ADCY2: variants seen among roughly 807,000 people sequenced by gnomAD.
The protein encoded by ADCY2 is adenylate cyclase 2.
A neutral mutation model predicts 125.2 loss-of-function variants in ADCY2; 31 were observed. The ratio of observed to expected loss-of-function variants is 0.25; its 90% CI spans 0.19 to 0.33. The LOEUF (loss-of-function observed/expected upper bound fraction) is 0.33. Ranked by LOEUF, ADCY2 falls within the 10% of genes least tolerant of loss-of-function variation. ADCY2 has a pLI of 1.00. For missense variants in ADCY2, 904 were observed against 1,418.2 expected (o/e 0.64, Z 5.82); for synonymous variants, 512 against 548.4 (o/e 0.93, Z 0.93).
At chr5:7,779,090 T>C (rs1743833157) in intron 18 of ADCY2, among the ~76,000 whole-genome samples, 1 of 152,202 alleles carries the variant, frequency 6.6e-6, no homozygotes, top group African/African-American at 2.4e-5. Flanking sequence ...AGCATGCTTT[T>C]CTGTGCCTGA....
intron 14 of ADCY2, among the ~76,000 whole-genome samples, chr5:7,729,894 TG>T (rs1742046754): frequency 6.7e-6 from 1 of 150,048 alleles, no homozygotes; most frequent in Non-Finnish European, 1.5e-5. Context: ...TATATATTTT[TG>T]GTCAATATCT....
intron 6 of ADCY2, among the ~76,000 whole-genome samples, chr5:7,696,462 A>C (rs1208749006): frequency 6.6e-6 from 1 of 152,214 alleles, no homozygotes; most frequent in Non-Finnish European, 1.5e-5. Context: ...GTCTGAAACC[A>C]CACTAGACCC....
At chr5:7,662,925 G>A (rs115290369) in intron 4 of ADCY2, among the ~76,000 whole-genome samples, 1 of 152,284 alleles carries the variant, frequency 6.6e-6, no homozygotes, top group Non-Finnish European at 1.5e-5. Context: ...CCAAACCATC[G>A]TCTGTTTAAA....
intron 8 of ADCY2, among the ~76,000 whole-genome samples, 193 bp downstream of exon 8, chr5:7,707,095 G>C (rs775804868): frequency 6.6e-6 from 1 of 152,126 alleles, no homozygotes; most frequent in Non-Finnish European, 1.5e-5. Context: ...TCACGACCCC[G>C]TTGTCCATAG....
intron 4 of ADCY2, among the ~76,000 whole-genome samples, chr5:7,670,200 C>T (rs777831833): frequency 5.9e-5 from 9 of 152,164 alleles, no homozygotes; most frequent in African/African-American, 1.4e-4. Context: ...TACAGGGAGG[C>T]GTGGCACTGA....
chr5:7,550,994 A>T (rs1735314470), intron 3 of ADCY2, among the ~76,000 whole-genome samples: 1 of 151,854 alleles, frequency 6.6e-6, no homozygotes, highest in African/African-American at 2.4e-5. Flanking sequence ...TCACAAGGAG[A>T]GCTAGGCCTC....
chr5:7,505,059 G>T (rs1457640315), intron 2 of ADCY2, among the ~76,000 whole-genome samples: 2 of 151,484 alleles, frequency 1.3e-5, no homozygotes, highest in Non-Finnish European at 2.9e-5. Context: ...AATTTTTGTG[G>T]TTTTTGTAGA....
intron 4 of ADCY2, among the ~76,000 whole-genome samples, chr5:7,689,064 A>G (rs1740622225): frequency 6.6e-6 from 1 of 151,984 alleles, no homozygotes; most frequent in African/African-American, 2.4e-5. Flanking sequence ...CTTAGAACAA[A>G]CCCCCTGGTT....
At chr5:7,732,440 A>G (rs1176290037) in intron 14 of ADCY2, among the ~76,000 whole-genome samples, 3 of 152,202 alleles carry the variant, frequency 2.0e-5, no homozygotes, top group East Asian at 1.9e-4. Context: ...CATCAATCCT[A>G]CACCAAGAGG....
rs150205519 is a variant in ADCY2, at chr5:7,666,576, T to C, written c.721-24115T>C. Among the ~76,000 whole-genome samples, 10 of 151,692 alleles carry C rather than the reference T, an allele frequency of 6.6e-5. No homozygotes were observed. The East Asian group carries it at 1.9e-3, about 29-fold the overall frequency. On this transcript the variant is annotated intron_variant, in intron 4 of 24. Coordinates refer to ENST00000338316, the MANE Select transcript of ADCY2 (RefSeq NM_020546.3). ...AGCCACTGTGCTTGGCCGGGTGGAG[T>C]TTTCTTTATGGGTCTGATGATGATA...
At position 7,396,521 on chromosome 5, in the gene ADCY2, C is replaced by A. The variant is rs774086384; in HGVS notation, c.210+15C>A. ...CGCTCGGGCTGGTGAGTGGCCTCCC[C>A]GCGGGTCCAGCGCCGCGCCTTCCCC... is the stretch of plus-strand genomic sequence containing the variant. On this transcript the variant is annotated intron_variant, in intron 1 of 24. Transcript: ENST00000338316. This position sits in a 1 kb window ranked among gnomAD's most constrained non-coding sequence, Gnocchi z 5.7. The A allele has an allele frequency of 1.3e-6, 2 of 1,552,612 alleles. No individual in the cohort carries two copies. Among genetic ancestry groups the A allele is most frequent in the South Asian group, 1.2e-5 (1 of 86,732 alleles).
chr5:7,713,534 G>A (rs1741506114), intron 11 of ADCY2, among the ~76,000 whole-genome samples: 1 of 151,558 alleles, frequency 6.6e-6, no homozygotes, highest in Admixed American at 6.6e-5. Flanking sequence ...ACACTTTTCT[G>A]TTGAATTCTA....
At chr5:7,482,767 G>GATATATATATATATATATAT (rs140354609) in intron 2 of ADCY2, among the ~76,000 whole-genome samples, 237 of 118,952 alleles carry the variant, frequency 2.0e-3, no homozygotes, top group Admixed American at 5.2e-3. Context: ...AAGAAAATGT[G>GATATATATATATATATATAT]ATATATATAT....
At chr5:7,810,396 G>T (rs1744900073) in intron 22 of ADCY2, among the ~76,000 whole-genome samples, 1 of 151,636 alleles carries the variant, frequency 6.6e-6, no homozygotes, top group South Asian at 2.1e-4. Flanking sequence ...CTGATGGGTG[G>T]GTTATCTGCC....
chr5:7,790,257 C>T (rs1744213293), intron 20 of ADCY2, among the ~76,000 whole-genome samples: 1 of 152,178 alleles, frequency 6.6e-6, no homozygotes, highest in South Asian at 2.1e-4. Flanking sequence ...CCCTGACAGC[C>T]TTCCAAGGCT....
At chr5:7,748,409 C>T (rs1742696146) in intron 15 of ADCY2, among the ~76,000 whole-genome samples, 1 of 152,142 alleles carries the variant, frequency 6.6e-6, no homozygotes, top group South Asian at 2.1e-4. Flanking sequence ...GAGATAACCT[C>T]ATCCAGCCTC....
chr5:7,556,897 A>C (rs1054300088), intron 3 of ADCY2, among the ~76,000 whole-genome samples: 4 of 152,026 alleles, frequency 2.6e-5, no homozygotes. Context: ...CCGTGGAAAA[A>C]TTGTCTTCCA....
At chr5:7,581,203 T>C (rs1736413922) in intron 3 of ADCY2, among the ~76,000 whole-genome samples, 1 of 152,172 alleles carries the variant, frequency 6.6e-6, no homozygotes, top group Non-Finnish European at 1.5e-5. Flanking sequence ...AAAACACATA[T>C]GGAAGTTTAA....
chr5:7,779,436 C>T (rs7705211), intron 18 of ADCY2, among the ~76,000 whole-genome samples: 17 of 152,314 alleles, frequency 1.1e-4, no homozygotes, highest in African/African-American at 4.1e-4. Flanking sequence ...AGCCATGCCC[C>T]GCCCAACCAC....
Sources: gnomAD v4.1 joint callset for allele counts (sites outside exome capture counted in the v4.1 genomes callset) on GRCh38, gnomAD v4.1.1 for gene constraint, Gnocchi (gnomAD v3.1) non-coding constraint, MANE v1.5 for transcripts, NCBI Gene and HGNC (gene_info 2026-07-23, HGNC 2026-07-21) for gene names.